GABRA2: variants seen among roughly 807,000 people sequenced by gnomAD.
GABRA2 encodes the protein gamma-aminobutyric acid type A receptor subunit alpha2.
In GABRA2, 16 loss-of-function variants were observed where a neutral mutation model predicts 48.7. That is an observed-to-expected ratio of 0.33 (90% confidence interval 0.22 to 0.50). The LOEUF is 0.50. Among genes scored for constraint, GABRA2 ranks in the 20% least tolerant of loss-of-function variants. The pLI is 0.98. For missense variants in GABRA2, 275 were observed against 535.6 expected, an observed-to-expected ratio of 0.51 and a Z score of 4.80; for synonymous variants, 185 against 184.5, an observed-to-expected ratio of 1.00 and a Z score of -0.02.
intron 8 of GABRA2, among the ~76,000 whole-genome samples, chr4:46,277,100 T>G (rs517134): frequency 0.61 from 93,399 of 151,946 alleles, 29,205 homozygotes; most frequent in South Asian, 0.76. Flanking sequence ...TTATCACAAT[T>G]CATTATTCAT....
At chr4:46,257,982 T>G (rs947623447) in intron 9 of GABRA2, among the ~76,000 whole-genome samples, 7 of 151,762 alleles carry the variant, frequency 4.6e-5, no homozygotes, top group African/African-American at 1.7e-4. Context: ...TCTATTTTAT[T>G]TTATCCTTTC....
At chr4:46,268,026 C>A (rs183646525) in intron 8 of GABRA2, among the ~76,000 whole-genome samples, 2 of 151,682 alleles carry the variant, frequency 1.3e-5, no homozygotes, top group South Asian at 2.1e-4. Flanking sequence ...GATAGTCGAC[C>A]TGTACTACCA....
At position 46,389,728 on chromosome 4, in the gene GABRA2, A is replaced by G; in HGVS notation, c.-11+7T>C. 4.1e-6 allele frequency: 4 copies of G among 980,964 alleles called. No individual in the cohort carries two copies. Among genetic ancestry groups the G allele is most frequent in the Non-Finnish European group, 4.8e-6 (4 of 829,216 alleles). The allele number at this position is 980,964 out of a possible 1,614,324, so 60.8% of individuals were successfully genotyped here. A position where few individuals can be genotyped will look rare whatever the true frequency, so the allele number is the denominator to read the frequency against. ...GTCTCTATCGGGACCAACGTGTGCG[A>G]CCCTACCTGAAACGGCAAGCAGAAT... On this transcript the variant is annotated splice_region_variant and intron_variant, in intron 1 of 9. Transcript: ENST00000381620.
At chr4:46,265,329 C>G (rs867454732) in intron 8 of GABRA2, among the ~76,000 whole-genome samples, 21 of 144,542 alleles carry the variant, frequency 1.5e-4, no homozygotes, top group Admixed American at 1.4e-3. Context: ...CATGAGCCAC[C>G]GCGCCTTGCC....
intron 6 of GABRA2, 114 bp downstream of exon 6, chr4:46,310,059 T>C (rs570424914): frequency 4.1e-5 from 28 of 686,300 alleles, no homozygotes; most frequent in Non-Finnish European, 6.2e-5. Flanking sequence ...CCAAGTCTTA[T>C]TGACAATTGT....
chr4:46,320,880 T>C lies in GABRA2; in HGVS notation c.256-8164A>G, dbSNP rs766639619. Among the ~76,000 whole-genome samples the C allele has an allele frequency of 3.9e-5, 6 of 151,990 alleles. No individual in the cohort carries two copies. The East Asian group carries it at 1.2e-3, about 29-fold the overall frequency. ...AAAAGCAGAATCTTTCTGTTAGGTA[T>C]ATACCCAAGAGAAATGAAATCATGA... On this transcript the variant is annotated intron_variant, in intron 4 of 9. Coordinates refer to ENST00000381620, the MANE Select transcript of GABRA2 (RefSeq NM_000807.4).
intron 3 of GABRA2, among the ~76,000 whole-genome samples, chr4:46,377,943 G>A (rs1716126407): frequency 6.6e-6 from 1 of 151,176 alleles, no homozygotes. Flanking sequence ...GGGAAGTGAG[G>A]AGCCCCTCTG....
chr4:46,273,403 T>TGTGTGC (rs59038297), intron 8 of GABRA2, among the ~76,000 whole-genome samples: 1 of 148,462 alleles, frequency 6.7e-6, no homozygotes, highest in Non-Finnish European at 1.5e-5. Context: ...TGTGTGTGTG[T>TGTGTGC]ATGTGTATAC....
At chr4:46,303,897 T>C (rs1361499374) in intron 7 of GABRA2, among the ~76,000 whole-genome samples, 1 of 152,172 alleles carries the variant, frequency 6.6e-6, no homozygotes, top group African/African-American at 2.4e-5. Flanking sequence ...GGGTTTGGAT[T>C]TTTCAGATTT....
upstream of GABRA2, chr4:46,390,212 C>CCCCCCCCCCCA (rs1718086490): frequency 2.3e-5 from 3 of 128,604 alleles, no homozygotes; most frequent in Admixed American, 7.6e-5. Context: ...TCCCCCCCCC[C>CCCCCCCCCCCA]CACACACACA....
At chr4:46,286,034 CTG>C (rs1722485960) in intron 8 of GABRA2, among the ~76,000 whole-genome samples, 1 of 152,040 alleles carries the variant, frequency 6.6e-6, no homozygotes, top group South Asian at 2.1e-4. Flanking sequence ...TCTGCAACCA[CTG>C]TCTTTCTCTA....
chr4:46,331,658 T>C (rs1731382831), intron 4 of GABRA2, among the ~76,000 whole-genome samples: 2 of 152,126 alleles, frequency 1.3e-5, no homozygotes, highest in South Asian at 4.1e-4. Flanking sequence ...TAATTCATCT[T>C]TGGTGATTCC....
intron 3 of GABRA2, among the ~76,000 whole-genome samples, chr4:46,380,738 T>C (rs1716649798): frequency 1.3e-5 from 2 of 152,194 alleles, no homozygotes; most frequent in Admixed American, 6.5e-5. Flanking sequence ...ACAATGCTCT[T>C]TTGAGGTCAG....
intron 3 of GABRA2, among the ~76,000 whole-genome samples, chr4:46,371,052 G>T (rs1714806928): frequency 6.6e-6 from 1 of 152,038 alleles, no homozygotes; most frequent in African/African-American, 2.4e-5. Context: ...TTTATAAAAA[G>T]AATTTTCTTT....
intron 3 of GABRA2, among the ~76,000 whole-genome samples, chr4:46,376,431 A>G (rs1290432980): frequency 6.6e-6 from 1 of 152,226 alleles, no homozygotes; most frequent in African/African-American, 2.4e-5. Context: ...GGGAAAAAAT[A>G]CAGTGAGTGA....
chr4:46,266,272 TTAA>T (rs925606766), intron 8 of GABRA2, among the ~76,000 whole-genome samples: 7 of 148,226 alleles, frequency 4.7e-5, no homozygotes, highest in African/African-American at 1.7e-4. Context: ...ATATTTTATA[TTAA>T]TAAGATAGTA....
At chr4:46,349,885 A>G (rs887165513) in intron 3 of GABRA2, among the ~76,000 whole-genome samples, 1 of 151,942 alleles carries the variant, frequency 6.6e-6, no homozygotes, top group Non-Finnish European at 1.5e-5. Flanking sequence ...GGAAAATATT[A>G]TGATTACTCT....
At chr4:46,275,084 G>C (rs1433649302) in intron 8 of GABRA2, among the ~76,000 whole-genome samples, 1 of 152,062 alleles carries the variant, frequency 6.6e-6, no homozygotes, top group Non-Finnish European at 1.5e-5. Flanking sequence ...AAGGCTTCTT[G>C]AACTGGATTC....
intron 4 of GABRA2, among the ~76,000 whole-genome samples, chr4:46,317,969 A>G (rs1457271335): frequency 6.6e-6 from 1 of 151,632 alleles, no homozygotes; most frequent in African/African-American, 2.4e-5. Context: ...ACAAAGACAA[A>G]TACCGAAAGT....
Sources: allele counts gnomAD v4.1 joint callset (sites outside exome capture counted in the v4.1 genomes callset), GRCh38; gene constraint gnomAD v4.1.1; transcripts MANE v1.5; gene names NCBI Gene and HGNC (gene_info 2026-07-23, HGNC 2026-07-21).